The following PCDHAC1 variants were observed in gnomAD, a reference collection of about 807,000 sequenced individuals.
PCDHAC1 encodes protocadherin alpha-C1.
In PCDHAC1, 42 loss-of-function variants were observed where a neutral mutation model predicts 60.0. That is an observed-to-expected ratio of 0.70 (90% CI 0.55 to 0.90). The LOEUF is 0.90. Among genes scored for constraint, PCDHAC1 ranks in the 40% least tolerant of loss-of-function variants. The pLI is 0.00. For synonymous variants in PCDHAC1, 468 were observed against 499.3 expected, an observed-to-expected ratio of 0.94 and a Z score of 0.84; for missense variants, 1,160 against 1,222.3, an observed-to-expected ratio of 0.95 and a Z score of 0.76.
chr5:140,930,203 T>C (rs1486886896), intron 1 of PCDHAC1: 6 of 152,202 alleles, frequency 3.9e-5, no homozygotes, highest in African/African-American at 1.4e-4. Flanking sequence ...ATGTCAGAAA[T>C]ATTTATGTGT....
At chr5:141,003,941 G>A (rs532794918) in intron 3 of PCDHAC1, among the ~76,000 whole-genome samples, 1 of 152,236 alleles carries the variant, frequency 6.6e-6, no homozygotes, top group African/African-American at 2.4e-5. Flanking sequence ...TTTGCCTGAG[G>A]GTGAGCTAGG....
At position 140,926,946 on chromosome 5, in the gene PCDHAC1, A is replaced by G; in HGVS notation, c.54A>G (p.Ala18=). Residue 18 remains alanine, a synonymous_variant, in exon 1 of 4, where the codon GCA becomes GCG. Transcript: ENST00000253807. ...GTTTGTGGGTTTCCTGCGGCGCTGC[A>G]GCGGGACAGCTCGAGTACTCAGTGC... The part of the protein sequence containing the change: ...VLCLWVSCGA[A]AGQLEYSVPE... 6.3e-7 allele frequency: 1 copy of G among 1,590,228 alleles called. No individual in the cohort carries two copies.
rs1469484046 is a variant in PCDHAC1 at position 141,010,169 on chromosome 5, C to G, written c.*232C>G. ...CTCCACTCTGGCTTGTTTTCAGAAC[C>G]TAAAAAGCAGACCCAAGTTTCCTTT... On this transcript the variant is annotated 3_prime_UTR_variant, in exon 4 of 4. Coordinates refer to ENST00000253807, the MANE Select transcript of PCDHAC1 (RefSeq NM_018898.5). 6.4e-7 allele frequency: 1 copy of G among 1,560,124 alleles called. No homozygotes were observed. The highest frequency in any genetic ancestry group is 8.7e-7 in the Non-Finnish European group (1 of 1,151,276).
chr5:140,946,631 T>TATATACACAC (rs57893927), intron 1 of PCDHAC1, among the ~76,000 whole-genome samples: 7 of 131,846 alleles, frequency 5.3e-5, no homozygotes, highest in Non-Finnish European at 1.1e-4. Context: ...TATATATATA[T>TATATACACAC]ACAATGGAAT....
At chr5:140,944,870 A>T (rs2093703572) in intron 1 of PCDHAC1, among the ~76,000 whole-genome samples, 1 of 152,058 alleles carries the variant, frequency 6.6e-6, no homozygotes, top group Non-Finnish European at 1.5e-5. Flanking sequence ...TATCTTAACC[A>T]CCTACTCCAC....
chr5:140,936,200 T>C (rs906256264), intron 1 of PCDHAC1, among the ~76,000 whole-genome samples: 4 of 152,322 alleles, frequency 2.6e-5, no homozygotes, highest in African/African-American at 7.2e-5. Context: ...GCCAAAGTTG[T>C]CTTTTTTATT....
chr5:140,982,441 T>G (rs368663739), intron 2 of PCDHAC1, 34 bp from the exon 3 acceptor site: 18 of 1,613,728 alleles, frequency 1.1e-5, no homozygotes, highest in Non-Finnish European at 1.5e-5. Flanking sequence ...GAATTTATGA[T>G]CTAACCGTTA....
chr5:141,006,029 G>A (rs539375544), intron 3 of PCDHAC1, among the ~76,000 whole-genome samples: 12 of 151,322 alleles, frequency 7.9e-5, no homozygotes, highest in Non-Finnish European at 1.2e-4. Context: ...ATAATAGTAA[G>A]AGGGAGATTT....
chr5:140,928,552 G>A lies in PCDHAC1; in HGVS notation c.1660G>A (p.Val554Ile), dbSNP rs145928329. Residue 554 changes from valine (V) to isoleucine (I), a missense_variant, in exon 1 of 4, where the codon GTT (valine) becomes ATT (isoleucine). Around this residue, in one of 3 missense-constraint regions of PCDHAC1, gnomAD observed 1,113 missense variants for 1,163.7 expected, o/e 0.96. Coordinates refer to ENST00000253807, the MANE Select transcript of PCDHAC1 (RefSeq NM_018898.5). The part of the protein sequence containing the change: ...FVVDRNDNYP[V>I]ILFPLPRNGS... ...GGTAGATAGGAATGACAATTATCCGGTTATCTTGTTTCCCTTGCCCAGAAA... is the reference window on the plus strand; with the variant it reads ...GGTAGATAGGAATGACAATTATCCGATTATCTTGTTTCCCTTGCCCAGAAA... The A allele has an allele frequency of 6.7e-4, 1,075 of 1,614,218 alleles. 1 individual carries two copies. Among genetic ancestry groups the A allele is most frequent in the Non-Finnish European group, 8.6e-4 (1,013 of 1,180,042 alleles).
At chr5:140,965,033 T>C (rs1563339344) in intron 1 of PCDHAC1, among the ~76,000 whole-genome samples, 2 of 152,192 alleles carry the variant, frequency 1.3e-5, no homozygotes, top group African/African-American at 4.8e-5. Flanking sequence ...CCTTTAACTG[T>C]CCGCTCTAGG....
intron 3 of PCDHAC1, among the ~76,000 whole-genome samples, chr5:140,986,383 A>G (rs1277624649): frequency 2.6e-5 from 4 of 152,178 alleles, no homozygotes; most frequent in Admixed American, 1.3e-4. Flanking sequence ...GGGGAGGGAC[A>G]TTAAAGGGCC....
chr5:140,964,894 T>C (rs754817292), intron 1 of PCDHAC1, among the ~76,000 whole-genome samples: 8 of 152,210 alleles, frequency 5.3e-5, no homozygotes, highest in Non-Finnish European at 1.2e-4. Flanking sequence ...GATAGGAGGC[T>C]GGGCGCTTCT....
intron 3 of PCDHAC1, among the ~76,000 whole-genome samples, chr5:140,997,668 T>G (rs2097778117): frequency 6.7e-6 from 1 of 148,344 alleles, no homozygotes; most frequent in African/African-American, 2.5e-5. Flanking sequence ...ATTATACAGC[T>G]TGTGTGTGTG....
chr5:140,935,554 GA>G (rs2090429733), intron 1 of PCDHAC1, among the ~76,000 whole-genome samples: 1 of 152,134 alleles, frequency 6.6e-6, no homozygotes, highest in Non-Finnish European at 1.5e-5. Flanking sequence ...AAGTATCTTG[GA>G]AAAGTTCCTC....
At chr5:140,967,099 T>G in intron 1 of PCDHAC1, 1 of 1,613,074 alleles carries the variant, frequency 6.2e-7, no homozygotes, top group Non-Finnish European at 8.5e-7. Context: ...AGGCGCTGTG[T>G]GAGCAGCGGC....
chr5:140,984,243 C>T (rs781830326), intron 3 of PCDHAC1, among the ~76,000 whole-genome samples: 2 of 152,246 alleles, frequency 1.3e-5, no homozygotes, highest in Non-Finnish European at 2.9e-5. Context: ...CATTGTAGGT[C>T]GACCTGGTAA....
At chr5:140,987,223 A>C (rs1269747690) in intron 3 of PCDHAC1, among the ~76,000 whole-genome samples, 1 of 151,456 alleles carries the variant, frequency 6.6e-6, no homozygotes, top group African/African-American at 2.4e-5. Flanking sequence ...CAAAAAAAAA[A>C]AAAATAATAA....
chr5:140,973,803 G>C (rs1232498397), intron 1 of PCDHAC1, among the ~76,000 whole-genome samples: 2 of 152,214 alleles, frequency 1.3e-5, no homozygotes, highest in African/African-American at 2.4e-5. Flanking sequence ...CTGTCTACTT[G>C]ACAGAATAGC....
At position 140,927,256 on chromosome 5, in the gene PCDHAC1, C is replaced by T; in HGVS notation, c.364C>T (p.Pro122Ser). 6.2e-7 allele frequency: 1 copy of T among 1,614,144 alleles called. No individual in the cohort carries two copies. Among genetic ancestry groups the T allele is most frequent in the Non-Finnish European group, 8.5e-7 (1 of 1,180,034 alleles). ...IHVLDTNDNS[P>S]LFPAGDVQLH... ...CGTCCTGGACACCAATGACAACTCA[C>T]CTCTCTTTCCTGCCGGCGACGTGCA... The change falls in exon 1 of 4, where the codon CCT becomes TCT. Residue 122 changes from proline to serine, a missense_variant. This residue lies in a region of PCDHAC1 where 1,113 missense variants were observed against 1,163.7 expected (regional missense o/e 0.96). Transcript: ENST00000253807.
Sources: allele counts gnomAD v4.1 joint callset (sites outside exome capture counted in the v4.1 genomes callset), GRCh38; gene constraint gnomAD v4.1.1; regional missense constraint gnomAD v4.1.1; transcripts MANE v1.5; gene names NCBI Gene and HGNC (gene_info 2026-07-23, HGNC 2026-07-21).